The following BMP3 variants were observed in gnomAD, a reference collection of about 807,000 sequenced individuals.
BMP3 encodes bone morphogenetic protein 3, also known as bone morphogenetic protein 3 (osteogenic).
A neutral mutation model predicts 38.1 loss-of-function variants in BMP3; 23 were observed. The ratio of observed to expected loss-of-function variants is 0.60; its 90% CI spans 0.43 to 0.86. The LOEUF (loss-of-function observed/expected upper bound fraction) is 0.86. Ranked by LOEUF, BMP3 falls within the 40% of genes least tolerant of loss-of-function variation. The probability of loss-of-function intolerance (pLI) is 0.00; values close to 1 mark genes in which losing one functional copy is unlikely to be tolerated. For synonymous variants in BMP3, 258 were observed against 225.7 expected (o/e 1.14, Z -1.28); for missense variants, 628 against 579.6 (o/e 1.08, Z -0.86).
At chr4:81,043,590 A>AT (rs3038534) in intron 1 of BMP3, among the ~76,000 whole-genome samples, 4,430 of 130,726 alleles carry the variant, frequency 0.034, 325 homozygotes, top group African/African-American at 0.12. Flanking sequence ...GCATACTACA[A>AT]TTTTTTTTTT....
At chr4:81,048,222 G>GA (rs986508457) in intron 2 of BMP3, among the ~76,000 whole-genome samples, 6 of 152,198 alleles carry the variant, frequency 3.9e-5, no homozygotes, top group Non-Finnish European at 7.4e-5. Flanking sequence ...GAGATAACAT[G>GA]AAAAAACACA....
At chr4:81,048,530 T>C (rs1740320965) in intron 2 of BMP3, among the ~76,000 whole-genome samples, 1 of 152,220 alleles carries the variant, frequency 6.6e-6, no homozygotes, top group African/African-American at 2.4e-5. Flanking sequence ...CCTCTAGCTC[T>C]GGAGAATTGA....
In BMP3 at chr4:81,046,380, C is replaced by T; in HGVS notation, c.959C>T (p.Pro320Leu). Residue 320 changes from proline to leucine, a missense_variant, in exon 2 of 3, where the codon CCT (proline) becomes CTT (leucine). Transcript: ENST00000282701. The stretch of plus-strand genomic sequence containing the variant: ...GATGAGGTGTGGGAGGAGAGAAAGC[C>T]TTACAAGACCCTTCAGGCTCAGGCC... ...KKDEVWEERK[P>L]YKTLQAQAPE... The T allele has an allele frequency of 6.2e-7, 1 of 1,613,956 alleles. No individual in the cohort carries two copies. Among genetic ancestry groups the T allele is most frequent in the Middle Eastern group, 1.7e-4 (1 of 6,048 alleles).
intron 1 of BMP3, among the ~76,000 whole-genome samples, chr4:81,043,042 A>ATT (rs146963195): frequency 6.6e-6 from 1 of 152,290 alleles, no homozygotes; most frequent in African/African-American, 2.4e-5. Context: ...TATGTTTCCC[A>ATT]TTGCACTTCC....
chr4:81,032,694 T>C (rs1371867791), intron 1 of BMP3, among the ~76,000 whole-genome samples: 1 of 152,238 alleles, frequency 6.6e-6, no homozygotes, highest in African/African-American at 2.4e-5. Flanking sequence ...CCCAAAGTTT[T>C]GATATGCAAG....
rs996373093 is a variant in BMP3, at chr4:81,057,136, G to A, written c.*3600G>A. Reference sequence around the variant, plus strand: ...ATAAAATGATCCTTGTTTTCTAAAAGCCAGTCCTTCCCTTCAGCTTTCCAC... The same window carrying A: ...ATAAAATGATCCTTGTTTTCTAAAAACCAGTCCTTCCCTTCAGCTTTCCAC... On this transcript the variant is annotated 3_prime_UTR_variant, in exon 3 of 3. Coordinates refer to ENST00000282701, the MANE Select transcript of BMP3 (RefSeq NM_001201.5). 1.3e-5 allele frequency: 2 copies of A among 151,996 alleles called. No homozygotes were observed. The highest frequency in any genetic ancestry group is 4.8e-5 in the African/African-American group (2 of 41,390). The allele number at this position is 151,996 out of a possible 1,614,324, so 9.4% of individuals were successfully genotyped here. A position where few individuals can be genotyped will look rare whatever the true frequency, so the allele number is the denominator to read the frequency against.
chr4:81,040,212 G>A (rs1740032953), intron 1 of BMP3, among the ~76,000 whole-genome samples: 1 of 152,142 alleles, frequency 6.6e-6, no homozygotes, highest in South Asian at 2.1e-4. Context: ...CCATGTGCCA[G>A]TGCCAGCAAA....
At chr4:81,039,767 G>A (rs141429999) in intron 1 of BMP3, among the ~76,000 whole-genome samples, 109 of 152,216 alleles carry the variant, frequency 7.2e-4, no homozygotes, top group African/African-American at 2.6e-3. Context: ...ATTTGCTCAT[G>A]CATATAAAAA....
intron 1 of BMP3, among the ~76,000 whole-genome samples, chr4:81,038,417 T>C (rs1165161584): frequency 6.6e-6 from 1 of 152,186 alleles, no homozygotes; most frequent in Non-Finnish European, 1.5e-5. Flanking sequence ...CAGTTTGCCA[T>C]GTAGTTGACA....
Position 81,057,496 on chromosome 4 carries a change from C to T in BMP3, c.*3960C>T, listed in dbSNP as rs1740605412. On this transcript the variant is annotated 3_prime_UTR_variant, in exon 3 of 3. Transcript: ENST00000282701. ...TTTCTTTCAGTAATGAAAAGCTATT[C>T]ATTATACAGTATGGAAATAAAAATT... 4 of 151,914 alleles carry T rather than the reference C, an allele frequency of 2.6e-5. No homozygotes were observed. The highest frequency in any genetic ancestry group is 2.6e-4 in the Admixed American group (4 of 15,232). 9.4% of individuals were successfully genotyped at this position (151,914 alleles called of 1,614,324 possible). A position where few individuals can be genotyped will look rare whatever the true frequency, so the allele number is the denominator to read the frequency against.
intron 1 of BMP3, among the ~76,000 whole-genome samples, chr4:81,041,545 A>G (rs746654006): frequency 3.3e-5 from 5 of 152,158 alleles, no homozygotes; most frequent in Non-Finnish European, 7.4e-5. Flanking sequence ...CAAACACATC[A>G]AGTGTTGGGC....
Position 81,031,419 on chromosome 4 carries a change from C to T in BMP3, c.135C>T (p.Gly45=), listed in dbSNP as rs763097226. The T allele has an allele frequency of 1.9e-6, 3 of 1,613,696 alleles. No homozygotes were observed. The highest frequency in any genetic ancestry group is 2.2e-5 in the East Asian group (1 of 44,838). The change falls in exon 1 of 3, where the codon GGC becomes GGT. Residue 45 remains glycine (G), a synonymous_variant. Coordinates refer to ENST00000282701, the MANE Select transcript of BMP3 (RefSeq NM_001201.5). ...AVPGDRTAGG[G]PDSELQPQDK... The stretch of plus-strand genomic sequence containing the variant: ...CAGGTGACCGCACGGCAGGTGGTGG[C>T]CCGGACTCCGAGCTGCAGCCGCAAG...
chr4:81,031,536 G>T lies in BMP3; in HGVS notation c.252G>T (p.Gln84His). The T allele has an allele frequency of 6.2e-7, 1 of 1,611,484 alleles. No individual in the cohort carries two copies. Among genetic ancestry groups the T allele is most frequent in the Non-Finnish European group, 8.5e-7 (1 of 1,179,252 alleles). ...CGGGCTCCCTGGAGGGAGGCTCGCAGCCCTGGCGCCCTCGGCTCCTGCGCG... is the reference window on the plus strand; with the variant it reads ...CGGGCTCCCTGGAGGGAGGCTCGCATCCCTGGCGCCCTCGGCTCCTGCGCG... ...RTPGSLEGGS[Q>H]PWRPRLLREG... Residue 84 changes from glutamine (Q) to histidine (H), a missense_variant, in exon 1 of 3, where the codon CAG (glutamine) becomes CAT (histidine). Gln to His is a conservative substitution (Grantham distance 24). Transcript: ENST00000282701.
At position 81,055,391 on chromosome 4, in the gene BMP3, A is replaced by T. The variant is rs538353121; in HGVS notation, c.*1855A>T. On this transcript the variant is annotated 3_prime_UTR_variant, in exon 3 of 3. Coordinates refer to ENST00000282701, the MANE Select transcript of BMP3 (RefSeq NM_001201.5). Reference sequence around the variant, plus strand: ...TCTGTGAGTGAGACACACCAGTTCTAAAAAAAATGAGTGAAGTTCTGGTGC... The same window carrying T: ...TCTGTGAGTGAGACACACCAGTTCTTAAAAAAATGAGTGAAGTTCTGGTGC... 7 of 152,144 alleles carry T rather than the reference A, an allele frequency of 4.6e-5. No homozygotes were observed. The highest frequency in any genetic ancestry group is 1.3e-4 in the Admixed American group (2 of 15,264). 9.4% of individuals were successfully genotyped at this position (152,144 alleles called of 1,614,324 possible). A position where few individuals can be genotyped will look rare whatever the true frequency, so the allele number is the denominator to read the frequency against.
At chr4:81,040,304 G>A (rs112991904) in intron 1 of BMP3, among the ~76,000 whole-genome samples, 4 of 152,080 alleles carry the variant, frequency 2.6e-5, no homozygotes, top group African/African-American at 9.7e-5. Flanking sequence ...AAACAAAGCC[G>A]GTTATAGTTA....
Position 81,053,330 on chromosome 4 carries a change from C to T in BMP3, c.1228-15C>T. 6.6e-7 allele frequency: 1 copy of T among 1,524,370 alleles called. No homozygotes were observed. Among genetic ancestry groups the T allele is most frequent in the African/African-American group, 1.4e-5 (1 of 70,548 alleles). 94.4% of individuals were successfully genotyped at this position (1,524,370 alleles called of 1,614,324 possible). On this transcript the variant is annotated splice_polypyrimidine_tract_variant and intron_variant, in intron 2 of 2. Coordinates refer to ENST00000282701, the MANE Select transcript of BMP3 (RefSeq NM_001201.5). ...CCACCTAACATATGTGTTCTTCTTTCATTTCTTTCTCTAGTCTTTGAAGCC... is the reference window on the plus strand; with the variant it reads ...CCACCTAACATATGTGTTCTTCTTTTATTTCTTTCTCTAGTCTTTGAAGCC...
rs2868076 is a variant in BMP3 at position 81,055,719 on chromosome 4, A to G, written c.*2183A>G. 142,456 of 152,202 alleles carry G rather than the reference A, an allele frequency of 0.94. 67,314 individuals are homozygous for G. The highest frequency in any genetic ancestry group is 1 in the East Asian group (5,184 of 5,184). The allele number at this position is 152,202 out of a possible 1,614,324, so 9.4% of individuals were successfully genotyped here. A position where few individuals can be genotyped will look rare whatever the true frequency, so the allele number is the denominator to read the frequency against. On this transcript the variant is annotated 3_prime_UTR_variant, in exon 3 of 3. Coordinates refer to ENST00000282701, the MANE Select transcript of BMP3 (RefSeq NM_001201.5). ...CCTTCTTATATCCAAATGCCTGTTT[A>G]TTACCTTTCTTAATTTGAATCAATG...
In BMP3 at chr4:81,046,425, A is replaced by G; in HGVS notation, c.1004A>G (p.Lys335Arg). The G allele has an allele frequency of 6.2e-7, 1 of 1,613,742 alleles. No homozygotes were observed. Among genetic ancestry groups the G allele is most frequent in the South Asian group, 1.1e-5 (1 of 91,064 alleles). Residue 335 changes from lysine to arginine, a missense_variant, in exon 2 of 3, where the codon AAA becomes AGA. Lys to Arg is a conservative substitution (Grantham distance 26). Transcript: ENST00000282701. The part of the protein sequence containing the change: ...QAQAPEKSKN[K>R]KKQRKGPHRK... ...CAGGCCCCTGAAAAGAGTAAGAATA[A>G]AAAGAAACAGAGAAAGGGGCCTCAT...
intron 1 of BMP3, among the ~76,000 whole-genome samples, chr4:81,034,250 T>C (rs1233735948): frequency 6.6e-6 from 1 of 152,016 alleles, no homozygotes; most frequent in East Asian, 1.9e-4. Flanking sequence ...CTTGTAAGTT[T>C]TTTTGTCATG....
Sources: gnomAD v4.1 joint callset for allele counts (sites outside exome capture counted in the v4.1 genomes callset) on GRCh38, gnomAD v4.1.1 for gene constraint, MANE v1.5 for transcripts, NCBI Gene and HGNC (gene_info 2026-07-23, HGNC 2026-07-21) for gene names.